HAO1: variants seen among roughly 807,000 people sequenced by gnomAD.
HAO1 encodes the protein 2-Hydroxyacid oxidase 1.
A neutral mutation model predicts 39.7 loss-of-function variants in HAO1; 34 were observed. The ratio of observed to expected loss-of-function variants is 0.86; its 90% confidence interval spans 0.65 to 1.14. HAO1 has a LOEUF of 1.14. Ranked by LOEUF, HAO1 falls within the 50% of genes most tolerant of loss-of-function variation. HAO1 has a pLI of 0.00. For missense variants in HAO1, 479 were observed against 464.5 expected, an observed-to-expected ratio of 1.03 and a Z score of -0.29; for synonymous variants, 172 against 173.2, an observed-to-expected ratio of 0.99 and a Z score of 0.05.
chr20:7,931,682 C>T (rs954936324), intron 2 of HAO1, among the ~76,000 whole-genome samples: 1 of 152,080 alleles, frequency 6.6e-6, no homozygotes, highest in Non-Finnish European at 1.5e-5. Flanking sequence ...TTAATATCTT[C>T]TTATGGTTAC....
intron 4 of HAO1, among the ~76,000 whole-genome samples, chr20:7,904,337 G>C (rs1278949729): frequency 6.6e-6 from 1 of 152,154 alleles, no homozygotes; most frequent in Non-Finnish European, 1.5e-5. Flanking sequence ...TAGGTCCGTT[G>C]TGCAAAGCAT....
Position 7,914,438 on chromosome 20 carries a change from G to A in HAO1, c.290-19C>T, listed in dbSNP as rs1303847560. ...TGACAGGCTGAGAAAGAAAGGGGAT[G>A]ATCAAGATGGGCCTGGCATTGCTTA... On this transcript the variant is annotated intron_variant, in intron 2 of 7. Coordinates refer to ENST00000378789, the MANE Select transcript of HAO1 (RefSeq NM_017545.3). 2 of 1,610,176 alleles carry A rather than the reference G, an allele frequency of 1.2e-6. No homozygotes were observed. Among genetic ancestry groups the A allele is most frequent in the African/African-American group, 1.3e-5 (1 of 74,850 alleles).
chr20:7,914,123 T>A (rs1465012821), intron 3 of HAO1, 41 bp downstream of exon 3: 7 of 1,607,820 alleles, frequency 4.4e-6, no homozygotes, highest in Non-Finnish European at 6.0e-6. Flanking sequence ...CCAGTCAAGA[T>A]CCCTTTCGCC....
intron 4 of HAO1, among the ~76,000 whole-genome samples, chr20:7,900,168 A>G (rs2050215151): frequency 6.6e-6 from 1 of 152,150 alleles, no homozygotes; most frequent in Non-Finnish European, 1.5e-5. Context: ...ATCTTGAACA[A>G]TGTATACAGG....
intron 2 of HAO1, among the ~76,000 whole-genome samples, chr20:7,925,265 AT>A (rs1285446162): frequency 9.2e-5 from 14 of 152,138 alleles, no homozygotes; most frequent in African/African-American, 3.4e-4. Context: ...AACTGAACCA[AT>A]TTAAACACTG....
chr20:7,891,062 C>T (rs1009807919), intron 5 of HAO1, among the ~76,000 whole-genome samples: 4 of 152,134 alleles, frequency 2.6e-5, no homozygotes, highest in African/African-American at 7.2e-5. Context: ...GGTAGATAGC[C>T]AGTAGTGGGA....
intron 3 of HAO1, among the ~76,000 whole-genome samples, chr20:7,909,377 A>ATATATATATATATATG (rs549998637): frequency 1.0e-5 from 1 of 100,124 alleles, no homozygotes; most frequent in African/African-American, 5.3e-5. Context: ...ATATATATAT[A>ATATATATATATATATG]TGTATATATA....
At chr20:7,901,764 C>A (rs960566815) in intron 4 of HAO1, among the ~76,000 whole-genome samples, 1 of 151,818 alleles carries the variant, frequency 6.6e-6, no homozygotes, top group Non-Finnish European at 1.5e-5. Flanking sequence ...TGAATAAGAG[C>A]AAAATAAATT....
At chr20:7,914,534 C>A in intron 2 of HAO1, 115 bp from the exon 3 acceptor site, 2 of 1,087,062 alleles carry the variant, frequency 1.8e-6, no homozygotes. Flanking sequence ...AATATGAAGT[C>A]AAATCTCTTA....
chr20:7,906,022 G>T (rs1309636806), intron 4 of HAO1, 132 bp downstream of exon 4: 4 of 709,730 alleles, frequency 5.6e-6, no homozygotes, highest in African/African-American at 5.4e-5. Context: ...TGAAAACAGA[G>T]AATTGAGAGT....
At position 7,915,588 on chromosome 20, in the gene HAO1, AAGATAG is replaced by A. The variant is rs373624752; in HGVS notation, c.290-1175_290-1170del. Among the ~76,000 whole-genome samples, 865 of 152,148 alleles carry A rather than the reference AAGATAG, an allele frequency of 5.7e-3. 15 individuals carry two copies. The highest frequency in any genetic ancestry group is 0.02 in the African/African-American group (821 of 41,410). ...TCTATGGATAGGTGTTTTAGAGATA[AAGATAG>A]AGATAGAGAGATAGACTTATGTATG... On this transcript the variant is annotated intron_variant, in intron 2 of 7. Transcript: ENST00000378789.
chr20:7,926,638 A>G (rs1469588863), intron 2 of HAO1, among the ~76,000 whole-genome samples: 1 of 152,144 alleles, frequency 6.6e-6, no homozygotes, highest in Non-Finnish European at 1.5e-5. Flanking sequence ...CCTACACCCT[A>G]ATGCAGTCAT....
At chr20:7,934,234 G>A (rs2050399322) in intron 2 of HAO1, among the ~76,000 whole-genome samples, 1 of 152,102 alleles carries the variant, frequency 6.6e-6, no homozygotes, top group Non-Finnish European at 1.5e-5. Flanking sequence ...ACCCAATGAG[G>A]CAGGTACAAT....
intron 2 of HAO1, among the ~76,000 whole-genome samples, chr20:7,922,278 A>G (rs1410173220): frequency 1.3e-5 from 2 of 152,160 alleles, no homozygotes; most frequent in Non-Finnish European, 2.9e-5. Flanking sequence ...AATGGTTATT[A>G]TCAAAAACAC....
intron 2 of HAO1, among the ~76,000 whole-genome samples, chr20:7,931,649 G>A (rs558879314): frequency 4.1e-4 from 63 of 152,234 alleles, no homozygotes; most frequent in African/African-American, 1.5e-3. Context: ...ATAAATCTAA[G>A]GGGATAAGAC....
chr20:7,892,304 C>G (rs144190782), intron 5 of HAO1, among the ~76,000 whole-genome samples: 4 of 152,118 alleles, frequency 2.6e-5, no homozygotes, highest in African/African-American at 9.7e-5. Context: ...AGGCTGCTCT[C>G]GAAATCCTGG....
chr20:7,940,115 T>G (rs1295549906), intron 1 of HAO1, among the ~76,000 whole-genome samples, 171 bp downstream of exon 1: 2 of 152,236 alleles, frequency 1.3e-5, no homozygotes, highest in Non-Finnish European at 2.9e-5. Flanking sequence ...GGAATATTTT[T>G]TAACAATTTA....
chr20:7,927,745 G>A (rs1350384217), intron 2 of HAO1, among the ~76,000 whole-genome samples: 1 of 152,164 alleles, frequency 6.6e-6, no homozygotes, highest in Non-Finnish European at 1.5e-5. Context: ...ATAAAACATA[G>A]GATGTTTGCA....
chr20:7,909,975 G>C (rs1191643286), intron 3 of HAO1, among the ~76,000 whole-genome samples: 1 of 152,196 alleles, frequency 6.6e-6, no homozygotes, highest in African/African-American at 2.4e-5. Flanking sequence ...GTGGCTGCTA[G>C]AAGAAGGTTC....
Sources: allele counts gnomAD v4.1 joint callset (sites outside exome capture counted in the v4.1 genomes callset), GRCh38; gene constraint gnomAD v4.1.1; transcripts MANE v1.5; gene names NCBI Gene and HGNC (gene_info 2026-07-23, HGNC 2026-07-21).